MED23: variants seen among roughly 807,000 people sequenced by gnomAD.
MED23 encodes the protein mediator of RNA polymerase II transcription subunit 23.
In MED23, 105 loss-of-function variants were observed where a neutral mutation model predicts 163.9. The ratio of observed to expected loss-of-function variants is 0.64; its 90% CI spans 0.55 to 0.75. MED23 has a LOEUF of 0.75. Among genes scored for constraint, MED23 ranks in the 30% least tolerant of loss-of-function variants. The pLI, the probability that MED23 is intolerant of heterozygous loss-of-function variation, is 0.00. For missense variants in MED23, 1,054 were observed against 1,649.0 expected (o/e 0.64, Z 6.25); for synonymous variants, 561 against 565.6 (o/e 0.99, Z 0.12).
chr6:131,587,414 C>A lies in MED23; in HGVS notation c.*265G>T. 2 of 1,279,268 alleles carry A rather than the reference C, an allele frequency of 1.6e-6. No individual in the cohort carries two copies. Among genetic ancestry groups the A allele is most frequent in the South Asian group, 1.8e-5 (1 of 55,700 alleles). 79.2% of individuals were successfully genotyped at this position (1,279,268 alleles called of 1,614,324 possible). ...TGACAAGTCATTTGATCACAGATAC[C>A]TCTATGTTCCTACATAGCTCTAATA... On this transcript the variant is annotated 3_prime_UTR_variant, in exon 29 of 29. Transcript: ENST00000368068.
downstream of MED23, chr6:131,583,865 A>G (rs775225648): frequency 5.0e-6 from 8 of 1,614,012 alleles, no homozygotes; most frequent in Admixed American, 1.2e-4. Flanking sequence ...CTTGCTCGGG[A>G]GGGTAATCAC....
intron 5 of MED23, 32 bp from the exon 6 acceptor site, chr6:131,622,011 T>C: frequency 6.7e-7 from 1 of 1,490,834 alleles, no homozygotes. Flanking sequence ...GGGTTAAAAT[T>C]AAGTAGTGTC....
chr6:131,609,048 G>C (rs1234453894), intron 11 of MED23, among the ~76,000 whole-genome samples: 1 of 152,006 alleles, frequency 6.6e-6, no homozygotes, highest in Non-Finnish European at 1.5e-5. Context: ...CTGATCTCTG[G>C]CTCCTCCTTT....
chr6:131,620,304 T>A (rs1777000745), intron 7 of MED23, among the ~76,000 whole-genome samples: 1 of 152,174 alleles, frequency 6.6e-6, no homozygotes, highest in Non-Finnish European at 1.5e-5. Flanking sequence ...TTTTTGTGTG[T>A]GAGACAGGGT....
chr6:131,601,180 C>T (rs1437335002), intron 17 of MED23, among the ~76,000 whole-genome samples: 4 of 151,988 alleles, frequency 2.6e-5, no homozygotes, highest in African/African-American at 4.8e-5. Context: ...ATGATAGTAA[C>T]TTTTTCCAAT....
Position 131,591,531 on chromosome 6 carries a change from T to A in MED23, c.3472-4A>T. The A allele has an allele frequency of 6.2e-7, 1 of 1,606,186 alleles. No homozygotes were observed. The highest frequency in any genetic ancestry group is 8.5e-7 in the Non-Finnish European group (1 of 1,173,950). ...GAAGAACAATCCAATATGGCTCCTT[T>A]AAAATCGGAGGAAAGCTAGTGAAAA... On this transcript the variant is annotated splice_region_variant and splice_polypyrimidine_tract_variant and intron_variant, in intron 25 of 28. Transcript: ENST00000368068.
chr6:131,592,359 C>T, intron 25 of MED23, 29 bp downstream of exon 25: 1 of 1,596,354 alleles, frequency 6.3e-7, no homozygotes, highest in Non-Finnish European at 8.6e-7. Flanking sequence ...TATTTCATCA[C>T]TAAGTACAAA....
chr6:131,606,380 G>A, intron 13 of MED23, 99 bp downstream of exon 13: 1 of 1,326,586 alleles, frequency 7.5e-7, no homozygotes. Context: ...TGGGTATGCG[G>A]AGATTTCCAA....
chr6:131,604,361 T>C, intron 14 of MED23, 41 bp from the exon 15 acceptor site: 24 of 1,604,140 alleles, frequency 1.5e-5, no homozygotes, highest in Non-Finnish European at 1.7e-5. Context: ...ATCCATATTT[T>C]TGACATAAAC....
rs1321719847 is a variant in MED23 at position 131,586,975 on chromosome 6, T to G, written c.*704A>C. On this transcript the variant is annotated 3_prime_UTR_variant, in exon 29 of 29. Transcript: ENST00000368068. ...TTAACTTATTTTTAAAAAAAGAAAT[T>G]GGAGAATCAACCATTTAAGCATGAT... 1 of 1,493,286 alleles carries G rather than the reference T, an allele frequency of 6.7e-7. No individual in the cohort carries two copies. Among genetic ancestry groups the G allele is most frequent in the African/African-American group, 1.4e-5 (1 of 70,926 alleles). The allele number at this position is 1,493,286 out of a possible 1,614,324, so 92.5% of individuals were successfully genotyped here. A position where few individuals can be genotyped will look rare whatever the true frequency, so the allele number is the denominator to read the frequency against.
rs1777135434 is a variant in MED23 at position 131,621,902 on chromosome 6, C to G, written c.474G>C (p.Gln158His). 6.2e-7 allele frequency: 1 copy of G among 1,610,944 alleles called. No individual in the cohort carries two copies. The highest frequency in any genetic ancestry group is 1.3e-5 in the African/African-American group (1 of 74,784). ...TTACCTCTCTTGCTGCCAGAAGCTG[C>G]TGTACAACAGCAGAGCTCACTGTAT... ...IPNTVSSAVVQQLLAAREVIA... is the reference protein window; with the variant it reads ...IPNTVSSAVVHQLLAAREVIA... Residue 158 changes from glutamine (Q) to histidine (H), a missense_variant, in exon 6 of 29, where the codon CAG (glutamine) becomes CAC (histidine). Physicochemically the swap from Gln to His is conservative, Grantham distance 24. Coordinates refer to ENST00000368068, the MANE Select transcript of MED23 (RefSeq NM_004830.4).
At chr6:131,591,878 T>C (rs1045816784) in intron 25 of MED23, 3 of 257,062 alleles carry the variant, frequency 1.2e-5, no homozygotes, top group African/African-American at 2.3e-5. Context: ...GGAGTCTTCA[T>C]GTGAGCTGGA....
chr6:131,588,227 T>C (rs1386961303), intron 28 of MED23, among the ~76,000 whole-genome samples: 2 of 152,256 alleles, frequency 1.3e-5, no homozygotes, highest in African/African-American at 4.8e-5. Flanking sequence ...ATCATTCTTT[T>C]AAAATGCCAT....
At chr6:131,615,184 GTTT>G (rs139719926) in intron 10 of MED23, 127,711 of 737,794 alleles carry the variant, frequency 0.17, 12,405 homozygotes, top group East Asian at 0.33. Context: ...AGAAGAAATC[GTTT>G]TTTAGTGGCC....
chr6:131,592,854 A>G (rs1279932440), intron 24 of MED23, 152 bp downstream of exon 24: 3 of 916,682 alleles, frequency 3.3e-6, no homozygotes, highest in Admixed American at 4.1e-5. Context: ...CATAACTCCT[A>G]TATCACAAAG....
exon 31 of MED23, chr6:131,574,164 A>G (rs113901887): frequency 1.8e-5 from 21 of 1,192,458 alleles, no homozygotes; most frequent in African/African-American, 1.3e-4. Flanking sequence ...GATAAAAAAC[A>G]AAGAACAAAA....
Position 131,628,210 on chromosome 6 carries a change from G to T in MED23, c.-161C>A. ...CTTTACCTGGAGCGTTCCCTCCCGA[G>T]CCCAGCCAACAGCAGGAACCTGTAC... On this transcript the variant is annotated 5_prime_UTR_variant, in exon 1 of 29. Transcript: ENST00000368068. The T allele has an allele frequency of 1.3e-6, 1 of 798,796 alleles. No individual in the cohort carries two copies. Among genetic ancestry groups the T allele is most frequent in the Non-Finnish European group, 2.1e-6 (1 of 476,334 alleles). The allele number at this position is 798,796 out of a possible 1,614,324, so 49.5% of individuals were successfully genotyped here.
intron 22 of MED23, 32 bp downstream of exon 22, chr6:131,595,915 A>G (rs1775011268): frequency 6.6e-7 from 1 of 1,511,972 alleles, no homozygotes; most frequent in South Asian, 1.1e-5. Context: ...TAATGGAGGT[A>G]TTAGACGAAA....
At chr6:131,587,874 A>G (rs770232108) in intron 28 of MED23, 28 bp from the exon 29 acceptor site, 1 of 1,573,798 alleles carries the variant, frequency 6.4e-7, no homozygotes, top group African/African-American at 1.4e-5. Context: ...ATTAAAACGT[A>G]CTTTAATCAG....
Sources: gnomAD v4.1 joint callset for allele counts (sites outside exome capture counted in the v4.1 genomes callset) on GRCh38, gnomAD v4.1.1 for gene constraint, MANE v1.5 for transcripts, NCBI Gene and HGNC (gene_info 2026-07-23, HGNC 2026-07-21) for gene names.